The following WWOX variants were observed in gnomAD, a reference collection of about 807,000 sequenced individuals.
The protein encoded by WWOX is WW domain containing oxidoreductase, also known as WW domain-containing oxidoreductase.
Under a neutral mutation model 46.2 loss-of-function variants are expected in WWOX, and 69 were observed. The ratio of observed to expected loss-of-function variants is 1.49; its 90% confidence interval spans 1.23 to 1.82. The LOEUF (loss-of-function observed/expected upper bound fraction) is 1.82, where lower values mean the gene tolerates loss of function less well. Ranked by LOEUF, WWOX falls within the 40% of genes most tolerant of loss-of-function variation. The pLI is 0.00. For missense variants in WWOX, 919 were observed against 542.6 expected, an observed-to-expected ratio of 1.69 and a Z score of -6.89; for synonymous variants, 359 against 202.6, an observed-to-expected ratio of 1.77 and a Z score of -6.56.
At chr16:78,696,376 C>G (rs1490014253) in intron 8 of WWOX, among the ~76,000 whole-genome samples, 4 of 152,152 alleles carry the variant, frequency 2.6e-5, no homozygotes, top group Non-Finnish European at 5.9e-5. Context: ...TAGACAGTCC[C>G]TGACTTATAA....
At chr16:78,314,721 T>TTTTTTTTTTTTTTA in intron 5 of WWOX, among the ~76,000 whole-genome samples, 1 of 128,362 alleles carries the variant, frequency 7.8e-6, no homozygotes, top group Non-Finnish European at 1.7e-5. Context: ...TTTTTTTTTT[T>TTTTTTTTTTTTTTA]CTGTATTTTC....
At chr16:78,554,080 G>A (rs1597256834) in intron 8 of WWOX, among the ~76,000 whole-genome samples, 4 of 152,142 alleles carry the variant, frequency 2.6e-5, no homozygotes, top group Non-Finnish European at 5.9e-5. Context: ...GTACAAGTTG[G>A]TAATGGGTAA....
intron 8 of WWOX, among the ~76,000 whole-genome samples, chr16:78,516,486 A>T (rs1354936920): frequency 1.3e-5 from 2 of 152,216 alleles, no homozygotes; most frequent in Non-Finnish European, 2.9e-5. Context: ...AGACATTTGG[A>T]AACATTTTAG....
chr16:78,927,986 G>A (rs2045537079), intron 8 of WWOX, among the ~76,000 whole-genome samples: 2 of 151,850 alleles, frequency 1.3e-5, no homozygotes, highest in South Asian at 4.1e-4. Context: ...TTGTGTGTGT[G>A]TGTATGTGTG....
chr16:78,140,810 T>A (rs565132657), intron 4 of WWOX, among the ~76,000 whole-genome samples: 3 of 152,296 alleles, frequency 2.0e-5, no homozygotes, highest in Non-Finnish European at 4.4e-5. Flanking sequence ...CTTCAACATA[T>A]CTTTTTGGGG....
At chr16:78,636,010 A>G (rs961185826) in intron 8 of WWOX, among the ~76,000 whole-genome samples, 1 of 152,172 alleles carries the variant, frequency 6.6e-6, no homozygotes, top group African/African-American at 2.4e-5. Flanking sequence ...TCCTGCCAAC[A>G]CGAAGGTAGA....
intron 8 of WWOX, among the ~76,000 whole-genome samples, chr16:78,937,795 T>C (rs1410530655): frequency 6.6e-6 from 1 of 151,782 alleles, no homozygotes; most frequent in Non-Finnish European, 1.5e-5. Flanking sequence ...TGGCTAACTT[T>C]TGTTTCTTTT....
intron 8 of WWOX, among the ~76,000 whole-genome samples, chr16:78,433,060 G>C (rs537437966): frequency 1.3e-5 from 2 of 152,066 alleles, no homozygotes; most frequent in Non-Finnish European, 2.9e-5. Context: ...TTTTTATTCA[G>C]AAACTTTGAA....
At chr16:78,831,538 C>T (rs1490613300) in intron 8 of WWOX, among the ~76,000 whole-genome samples, 1 of 152,162 alleles carries the variant, frequency 6.6e-6, no homozygotes, top group Non-Finnish European at 1.5e-5. Flanking sequence ...TGCCCGGGTG[C>T]ACAAAGCCAG....
intron 5 of WWOX, chr16:78,168,506 A>G (rs769118256): frequency 3.3e-5 from 5 of 151,858 alleles, no homozygotes; most frequent in Non-Finnish European, 5.9e-5. Flanking sequence ...ACTCACCCGA[A>G]TTGCACAGCT....
intron 8 of WWOX, among the ~76,000 whole-genome samples, chr16:78,481,499 G>A (rs2084484954): frequency 6.6e-6 from 1 of 152,066 alleles, no homozygotes; most frequent in African/African-American, 2.4e-5. Flanking sequence ...TTTGCAGGAT[G>A]TTCGTTTGTT....
chr16:78,422,840 C>CACACAT (rs1567563698), intron 6 of WWOX, among the ~76,000 whole-genome samples: 8 of 77,230 alleles, frequency 1.0e-4, no homozygotes, highest in Admixed American at 1.0e-3. Flanking sequence ...TATATATATA[C>CACACAT]ATATACACAC....
rs146181919 is a variant in WWOX at position 78,548,267 on chromosome 16, A to G, written c.1056+115515A>G. On this transcript the variant is annotated intron_variant, in intron 8 of 8. Transcript: ENST00000566780. ...AAGACTCTGCTGTTGATTCTCTTCA[A>G]AAACTTGGCAGTAGCCCTTGGATCC... Among the ~76,000 whole-genome samples the G allele has an allele frequency of 2.6e-5, 4 of 152,130 alleles. No homozygotes were observed. In the East Asian group the frequency reaches 5.8e-4, roughly 22 times the overall value.
chr16:79,021,304 T>C (rs981821135), intron 8 of WWOX, among the ~76,000 whole-genome samples: 4 of 152,148 alleles, frequency 2.6e-5, no homozygotes, highest in African/African-American at 9.7e-5. Flanking sequence ...GGATGCAAGA[T>C]TAGCGAGATA....
intron 8 of WWOX, among the ~76,000 whole-genome samples, chr16:79,085,766 C>G (rs578228502): frequency 1.3e-5 from 2 of 152,264 alleles, no homozygotes; most frequent in South Asian, 4.1e-4. Flanking sequence ...TAGTCAGTAG[C>G]CAGGCATAGT....
intron 8 of WWOX, among the ~76,000 whole-genome samples, chr16:78,854,601 A>C (rs144135564): frequency 1.3e-5 from 2 of 152,250 alleles, no homozygotes; most frequent in Non-Finnish European, 2.9e-5. Flanking sequence ...TTTTCTTTGA[A>C]GCAGCATGTT....
chr16:79,149,355 C>G (rs1434327364), intron 8 of WWOX, among the ~76,000 whole-genome samples: 1 of 152,142 alleles, frequency 6.6e-6, no homozygotes, highest in Non-Finnish European at 1.5e-5. Context: ...AATATTGAAC[C>G]AGCCTTGAAG....
intron 7 of WWOX, among the ~76,000 whole-genome samples, chr16:78,429,611 T>C (rs1273359289): frequency 6.6e-6 from 1 of 152,184 alleles, no homozygotes; most frequent in East Asian, 1.9e-4. Context: ...TCCTTGTCCC[T>C]GTTGTCTATG....
chr16:78,896,541 G>A (rs913559832), intron 8 of WWOX: 1 of 152,166 alleles, frequency 6.6e-6, no homozygotes, highest in Non-Finnish European at 1.5e-5. Flanking sequence ...CATAGCTAAT[G>A]AGAAGCAAAC....
Sources: allele counts gnomAD v4.1 joint callset (sites outside exome capture counted in the v4.1 genomes callset), GRCh38; gene constraint gnomAD v4.1.1; transcripts MANE v1.5; gene names NCBI Gene and HGNC (gene_info 2026-07-23, HGNC 2026-07-21).